SCN3A: variants seen among roughly 807,000 people sequenced by gnomAD.
SCN3A encodes sodium channel protein type 3 subunit alpha.
A neutral mutation model predicts 187.6 loss-of-function variants in SCN3A; 60 were observed. The ratio of observed to expected loss-of-function variants is 0.32; its 90% CI spans 0.26 to 0.40. The LOEUF is 0.40. SCN3A is among the 10% of genes least tolerant of loss of function. The pLI is 1.00. For synonymous variants in SCN3A, 788 were observed against 829.2 expected, an observed-to-expected ratio of 0.95 and a Z score of 0.85; for missense variants, 1,601 against 2,428.2, an observed-to-expected ratio of 0.66 and a Z score of 7.16.
chr2:165,177,795 C>T (rs11894144), intron 2 of SCN3A, among the ~76,000 whole-genome samples: 58,020 of 151,832 alleles, frequency 0.38, 11,162 homozygotes, highest in Middle Eastern at 0.53. Flanking sequence ...ATGTAAATTT[C>T]GAAATATGAG....
rs749080186 is a variant in SCN3A at position 165,146,915 on chromosome 2, A to G, written c.1495T>C (p.Trp499Arg). 1.2e-6 allele frequency: 2 copies of G among 1,613,990 alleles called. No homozygotes were observed. The highest frequency in any genetic ancestry group is 1.7e-6 in the Non-Finnish European group (2 of 1,179,934). ...SKLSSKSAKE[W>R]RNRRKKRRQR... ...CTTCTTTTCTTCCTTCGGTTCCTCC[A>G]TTCTTTAGCACTTTTGGAACTCAAC... The change falls in exon 12 of 28, where the codon TGG becomes CGG. Residue 499 changes from tryptophan (W) to arginine (R), a missense_variant. By Grantham distance (101) the Trp-to-Arg change is moderately radical (BLOSUM62 -3). This residue lies in a region of SCN3A where 376 missense variants were observed against 476.0 expected (regional missense o/e 0.79). Coordinates refer to ENST00000283254, the MANE Select transcript of SCN3A (RefSeq NM_006922.4).
intron 21 of SCN3A, among the ~76,000 whole-genome samples, chr2:165,111,725 T>G (rs1002785645): frequency 3.9e-5 from 6 of 152,166 alleles, no homozygotes; most frequent in Non-Finnish European, 7.3e-5. Flanking sequence ...TAGATATTCC[T>G]TAAGGTCCAC....
chr2:165,111,775 G>A lies in SCN3A; in HGVS notation c.3843+1110C>T, dbSNP rs2105703343. 1.3e-5 allele frequency among the ~76,000 whole-genome samples: 2 copies of A among 152,276 alleles called. 1 individual carries two copies. Among genetic ancestry groups the A allele is most frequent in the South Asian group, 4.1e-4 (2 of 4,830 alleles). ...GTGAAAATACTAAGTTTCCATTTGT[G>A]CATAGCTTTTCAGAGTTATGTTGAA... is the stretch of plus-strand genomic sequence containing the variant. On this transcript the variant is annotated intron_variant, in intron 21 of 27. Coordinates refer to ENST00000283254, the MANE Select transcript of SCN3A (RefSeq NM_006922.4).
At chr2:165,170,716 A>G (rs1414333596) in intron 3 of SCN3A, among the ~76,000 whole-genome samples, 168 bp from the exon 4 acceptor site, 1 of 152,010 alleles carries the variant, frequency 6.6e-6, no homozygotes, top group Non-Finnish European at 1.5e-5. Flanking sequence ...AAATTAACAT[A>G]TAGTTACAAA....
At chr2:165,179,446 A>G (rs1272443795) in intron 2 of SCN3A, 2 of 152,216 alleles carry the variant, frequency 1.3e-5, no homozygotes, top group Admixed American at 6.5e-5. Flanking sequence ...TAATGTGGAA[A>G]TCACCGAGTA....
chr2:165,113,231 A>G (rs532880992), intron 20 of SCN3A, among the ~76,000 whole-genome samples, 173 bp from the exon 21 acceptor site: 1 of 152,196 alleles, frequency 6.6e-6, no homozygotes, highest in Non-Finnish European at 1.5e-5. Context: ...AAATGCTGGC[A>G]GGGAAACGTC....
Position 165,176,112 on chromosome 2 carries a change from G to C in SCN3A, c.264+19C>G, listed in dbSNP as rs776643996. The C allele has an allele frequency of 6.2e-7, 1 of 1,609,162 alleles. No homozygotes were observed. The highest frequency in any genetic ancestry group is 8.5e-7 in the Non-Finnish European group (1 of 1,176,226). On this transcript the variant is annotated intron_variant, in intron 3 of 27. Coordinates refer to ENST00000283254, the MANE Select transcript of SCN3A (RefSeq NM_006922.4). ...GAGTTTCATTAAAGATTTATTAGAAGTCTAAAATCAATACTCACTTTCTTA... is the reference window on the plus strand; with the variant it reads ...GAGTTTCATTAAAGATTTATTAGAACTCTAAAATCAATACTCACTTTCTTA...
intron 1 of SCN3A, among the ~76,000 whole-genome samples, chr2:165,201,032 A>G (rs1692287169): frequency 6.6e-6 from 1 of 152,090 alleles, no homozygotes; most frequent in Non-Finnish European, 1.5e-5. Context: ...CTTGGCGTTT[A>G]AATGTGGTTT....
At chr2:165,136,093 G>A (rs776416105) in intron 15 of SCN3A, among the ~76,000 whole-genome samples, 29 of 152,156 alleles carry the variant, frequency 1.9e-4, no homozygotes, top group Admixed American at 3.9e-4. Flanking sequence ...AAGGATCTAA[G>A]TGACTTTTCA....
chr2:165,193,563 A>G (rs958590055), intron 1 of SCN3A, among the ~76,000 whole-genome samples: 4 of 152,188 alleles, frequency 2.6e-5, no homozygotes, highest in African/African-American at 4.8e-5. Context: ...CATGTCTCCT[A>G]CTGCTTGCTG....
In SCN3A at chr2:165,096,413, A is replaced by G. The variant is rs1233984353; in HGVS notation, c.4293+54T>C. 4.3e-6 allele frequency: 6 copies of G among 1,385,456 alleles called. No individual in the cohort carries two copies. The African/African-American group carries it at 8.5e-5, about 20-fold the overall frequency. 85.8% of individuals were successfully genotyped at this position (1,385,456 alleles called of 1,614,324 possible). Reference sequence around the variant, plus strand: ...ATGTATCAGTGTTTAAATTACCACCAATATTCACCATAAGAAATCTAGAAC... The same window carrying G: ...ATGTATCAGTGTTTAAATTACCACCGATATTCACCATAAGAAATCTAGAAC... On this transcript the variant is annotated intron_variant, in intron 24 of 27. Transcript: ENST00000283254.
chr2:165,100,298 T>C lies in SCN3A; in HGVS notation c.3966+4A>G, dbSNP rs1325279524. ...TGAATAATTAGAGTGTCTATTCTTC[T>C]TACCCTCATGCCTTCAAACCGGGAT... is the stretch of plus-strand genomic sequence containing the variant. On this transcript the variant is annotated splice_donor_region_variant and intron_variant, in intron 22 of 27. Transcript: ENST00000283254. The C allele has an allele frequency of 6.2e-7, 1 of 1,613,516 alleles. No homozygotes were observed. Among genetic ancestry groups the C allele is most frequent in the African/African-American group, 1.3e-5 (1 of 74,926 alleles).
chr2:165,102,168 G>A (rs758647612), intron 21 of SCN3A, among the ~76,000 whole-genome samples: 12 of 152,298 alleles, frequency 7.9e-5, no homozygotes, highest in East Asian at 1.9e-4. Flanking sequence ...TTAAAGGGAC[G>A]TGGCTGCAAA....
rs62174900 is a variant in SCN3A at position 165,131,262 on chromosome 2, T to C, written c.2547A>G (p.Val849=). 3.1e-6 allele frequency: 5 copies of C among 1,594,072 alleles called. No homozygotes were observed. In the East Asian group the frequency reaches 1.1e-4, roughly 36 times the overall value. The change falls in exon 16 of 28, where the codon GTA becomes GTG. Residue 849 remains valine (V), a synonymous_variant. Coordinates refer to ENST00000283254, the MANE Select transcript of SCN3A (RefSeq NM_006922.4). ...LGLSNVEGLS[V]LRSFRLLRVF... is the part of the protein sequence containing the mutation. Reference sequence around the variant, plus strand: ...TAGATACCAGTCTGAATGATCGCAGTACAGACAATCCCTCCACATTTGACA... The same window carrying C: ...TAGATACCAGTCTGAATGATCGCAGCACAGACAATCCCTCCACATTTGACA...
chr2:165,131,168 T>C, intron 16 of SCN3A, 76 bp downstream of exon 16: 2 of 853,944 alleles, frequency 2.3e-6, no homozygotes, highest in Non-Finnish European at 3.3e-6. Flanking sequence ...AATTAATAAT[T>C]ATATAAATAT....
intron 11 of SCN3A, 75 bp from the exon 12 acceptor site, chr2:165,147,104 C>T: frequency 6.5e-7 from 1 of 1,537,106 alleles, no homozygotes; most frequent in Non-Finnish European, 8.9e-7. Context: ...AAAATATTGC[C>T]ATTTAAGACT....
chr2:165,122,287 CA>C (rs1686730059), intron 18 of SCN3A, among the ~76,000 whole-genome samples: 1 of 123,106 alleles, frequency 8.1e-6, no homozygotes, highest in South Asian at 2.7e-4. Context: ...TGAAAGCAAA[CA>C]TTTTCATCTG....
At chr2:165,187,253 A>G (rs767401802) in intron 1 of SCN3A, among the ~76,000 whole-genome samples, 22 of 152,198 alleles carry the variant, frequency 1.4e-4, no homozygotes, top group Admixed American at 2.6e-4. Context: ...AAATAAACCT[A>G]TTTAGTAGCT....
chr2:165,184,480 T>A, intron 2 of SCN3A, among the ~76,000 whole-genome samples: 1 of 109,424 alleles, frequency 9.1e-6, no homozygotes, highest in Non-Finnish European at 1.8e-5. Flanking sequence ...CCTGTCTAGT[T>A]CAGAAAAAAA....
Sources: allele counts gnomAD v4.1 joint callset (sites outside exome capture counted in the v4.1 genomes callset), GRCh38; gene constraint gnomAD v4.1.1; regional missense constraint gnomAD v4.1.1; transcripts MANE v1.5; gene names NCBI Gene and HGNC (gene_info 2026-07-23, HGNC 2026-07-21).